The following MYO3A variants were observed in gnomAD, a reference collection of about 807,000 sequenced individuals.
The protein encoded by MYO3A is myosin-IIIa.
MYO3A carries 180 observed loss-of-function variants against 192.7 expected under a neutral mutation model. That is an observed-to-expected ratio of 0.93 (90% CI 0.83 to 1.06). The LOEUF (loss-of-function observed/expected upper bound fraction) is 1.06. Ranked by LOEUF, MYO3A falls within the 50% of genes least tolerant of loss-of-function variation. The pLI, the probability that MYO3A is intolerant of heterozygous loss-of-function variation, is 0.00. For missense variants in MYO3A, 1,896 were observed against 1,905.0 expected (o/e 1.00, Z 0.09); for synonymous variants, 628 against 645.3 (o/e 0.97, Z 0.41).
intron 31 of MYO3A, among the ~76,000 whole-genome samples, chr10:26,184,958 A>G (rs1842793084): frequency 6.6e-6 from 1 of 152,212 alleles, no homozygotes; most frequent in East Asian, 1.9e-4. Flanking sequence ...GGCCAAATAA[A>G]TGTATGCCTC....
intron 10 of MYO3A, among the ~76,000 whole-genome samples, chr10:26,028,100 T>C (rs1842638959): frequency 6.6e-6 from 1 of 152,242 alleles, no homozygotes; most frequent in Non-Finnish European, 1.5e-5. Flanking sequence ...TTCCCATTTG[T>C]TTAATGCCTA....
chr10:26,157,223 G>A, intron 25 of MYO3A, 87 bp from the exon 26 acceptor site: 1 of 1,195,908 alleles, frequency 8.4e-7, no homozygotes, highest in Non-Finnish European at 1.2e-6. Context: ...TTTTTTGAAT[G>A]TTATTCTTGT....
rs544353164 is a variant in MYO3A at position 26,118,879 on chromosome 10, G to A, written c.1777-1797G>A. 1.6e-4 allele frequency among the ~76,000 whole-genome samples: 24 copies of A among 152,080 alleles called. 1 individual carries two copies. In the East Asian group the frequency reaches 4.3e-3, roughly 27 times the overall value. ...GCTCCTGACCTCAAGTGATCTGCCCGCCTCGGCCTCCCAAAGTGCTGGGAT... is the reference window on the plus strand; with the variant it reads ...GCTCCTGACCTCAAGTGATCTGCCCACCTCGGCCTCCCAAAGTGCTGGGAT... On this transcript the variant is annotated intron_variant, in intron 17 of 34. Coordinates refer to ENST00000642920, the MANE Select transcript of MYO3A (RefSeq NM_017433.5).
chr10:26,115,637 T>C (rs10508711), intron 17 of MYO3A, among the ~76,000 whole-genome samples: 23,080 of 152,134 alleles, frequency 0.15, 1,890 homozygotes, highest in East Asian at 0.31. Flanking sequence ...TAACTTTACA[T>C]TGCCCTAAAC....
chr10:26,012,469 G>A (rs1279784201), intron 6 of MYO3A, among the ~76,000 whole-genome samples: 4 of 151,940 alleles, frequency 2.6e-5, no homozygotes, highest in African/African-American at 7.2e-5. Flanking sequence ...GAATCAAATC[G>A]AGGACTCAAT....
chr10:26,074,646 CAT>C (rs1835418438), intron 14 of MYO3A, among the ~76,000 whole-genome samples: 1 of 148,102 alleles, frequency 6.8e-6, no homozygotes, highest in African/African-American at 2.5e-5. Flanking sequence ...TATAATATAA[CAT>C]GTAATATATC....
intron 2 of MYO3A, among the ~76,000 whole-genome samples, chr10:25,941,742 C>T (rs1195840034): frequency 1.3e-5 from 2 of 152,164 alleles, no homozygotes; most frequent in Non-Finnish European, 2.9e-5. Flanking sequence ...AACTGAAACT[C>T]TGGATTCAAC....
At chr10:25,972,142 A>G (rs935826253) in intron 4 of MYO3A, among the ~76,000 whole-genome samples, 1 of 151,842 alleles carries the variant, frequency 6.6e-6, no homozygotes, top group African/African-American at 2.4e-5. Context: ...TTTCTCTGAA[A>G]CTGTTCATTT....
In MYO3A at chr10:25,952,231, A is replaced by G. The variant is rs762636161; in HGVS notation, c.121A>G (p.Lys41Glu). The change falls in exon 3 of 35, where the codon AAG becomes GAG. Residue 41 changes from lysine to glutamate, a missense_variant. Coordinates refer to ENST00000642920, the MANE Select transcript of MYO3A (RefSeq NM_017433.5). ...TYGKVFKVLN[K>E]KNGQKAAVKI... is the part of the protein sequence containing the mutation. ...TGGGAAAGTTTTTAAAGTATTGAAT[A>G]AGAAAAATGGCCAAAAAGCAGCAGT... is the stretch of plus-strand genomic sequence containing the variant. The G allele has an allele frequency of 1.2e-6, 2 of 1,612,876 alleles. No individual in the cohort carries two copies. Among genetic ancestry groups the G allele is most frequent in the Non-Finnish European group, 1.7e-6 (2 of 1,179,270 alleles).
intron 17 of MYO3A, among the ~76,000 whole-genome samples, chr10:26,117,159 C>T (rs1014122972): frequency 3.3e-5 from 5 of 152,156 alleles, no homozygotes; most frequent in Non-Finnish European, 7.3e-5. Context: ...TTTGGAGATG[C>T]AACTCTGTAT....
chr10:26,007,491 T>C (rs1397617017), intron 6 of MYO3A, among the ~76,000 whole-genome samples: 1 of 151,472 alleles, frequency 6.6e-6, no homozygotes. Context: ...CCCCATCGTC[T>C]CAGCTGAAAA....
At chr10:26,184,047 A>G (rs911714066) in intron 31 of MYO3A, among the ~76,000 whole-genome samples, 1 of 152,190 alleles carries the variant, frequency 6.6e-6, no homozygotes, top group Non-Finnish European at 1.5e-5. Flanking sequence ...ACAAGACCCC[A>G]TCTCTTAATA....
At chr10:25,963,952 T>C (rs1454236935) in intron 4 of MYO3A, among the ~76,000 whole-genome samples, 1 of 152,220 alleles carries the variant, frequency 6.6e-6, no homozygotes, top group Non-Finnish European at 1.5e-5. Context: ...TTTATAGTGT[T>C]ACTTCAGAGG....
At chr10:26,106,151 CCA>C (rs1837786784) in intron 17 of MYO3A, among the ~76,000 whole-genome samples, 1 of 152,016 alleles carries the variant, frequency 6.6e-6, no homozygotes, top group Admixed American at 6.5e-5. Context: ...ATATTCAATT[CCA>C]ACAACCCCAC....
intron 4 of MYO3A, among the ~76,000 whole-genome samples, chr10:25,984,048 C>A (rs1340165962): frequency 6.6e-6 from 1 of 152,178 alleles, no homozygotes; most frequent in Non-Finnish European, 1.5e-5. Context: ...CTTTTCCAGA[C>A]AAACAAATAC....
At position 26,077,233 on chromosome 10, in the gene MYO3A, G is replaced by GTTTTTTTTTTTTTTTTTTTTTTTTTTT. The variant is rs34464120; in HGVS notation, c.1359+6854_1359+6855insTTTTTTTTTTTTTTTTTTTTTTTTTTT. Among the ~76,000 whole-genome samples, 17 of 36,294 alleles carry GTTTTTTTTTTTTTTTTTTTTTTTTTTT rather than the reference G, an allele frequency of 4.7e-4. 3 individuals are homozygous for GTTTTTTTTTTTTTTTTTTTTTTTTTTT. The highest frequency in any genetic ancestry group is 6.3e-4 in the Non-Finnish European group (12 of 19,038). 23.8% of individuals were successfully genotyped at this position (36,294 alleles called of 152,430 possible). A position where few individuals can be genotyped will look rare whatever the true frequency, so the allele number is the denominator to read the frequency against. On this transcript the variant is annotated intron_variant, in intron 14 of 34. Transcript: ENST00000642920. ...CTCCTTGGTTAGGTATATTCCTAAG[G>GTTTTTTTTTTTTTTTTTTTTTTTTTTT]TTTTTTTTTTTTTTTTTTTTTTGCA...
chr10:26,028,038 A>G (rs1375544946), intron 10 of MYO3A, among the ~76,000 whole-genome samples: 1 of 152,234 alleles, frequency 6.6e-6, no homozygotes, highest in East Asian at 1.9e-4. Context: ...AGTTGGAAGA[A>G]GTGAATAAGA....
chr10:26,172,291 G>A (rs996706105), intron 29 of MYO3A, among the ~76,000 whole-genome samples: 2 of 152,198 alleles, frequency 1.3e-5, no homozygotes. Context: ...CTGTGACCTA[G>A]AATACCACAG....
chr10:26,192,744 C>T (rs944010450), intron 31 of MYO3A, among the ~76,000 whole-genome samples: 2 of 150,522 alleles, frequency 1.3e-5, no homozygotes, highest in African/African-American at 4.9e-5. Context: ...ACCTCTGCCT[C>T]CCAGGTTCAA....
Sources: allele counts gnomAD v4.1 joint callset (sites outside exome capture counted in the v4.1 genomes callset), GRCh38; gene constraint gnomAD v4.1.1; transcripts MANE v1.5; gene names NCBI Gene and HGNC (gene_info 2026-07-23, HGNC 2026-07-21).